Variants in UBR4 observed in about 807,000 individuals in gnomAD.
UBR4 encodes ubiquitin protein ligase E3 component n-recognin 4.
In UBR4, 124 loss-of-function variants were observed where a neutral mutation model predicts 575.6. The observed-to-expected ratio is 0.22, with a 90% CI of 0.19 to 0.25. The LOEUF is 0.25. Among genes scored for constraint, UBR4 ranks in the 10% least tolerant of loss-of-function variants. The probability of loss-of-function intolerance (pLI) is 1.00; values close to 1 mark genes in which losing one functional copy is unlikely to be tolerated. For missense variants in UBR4, 4,818 were observed against 6,478.8 expected, an observed-to-expected ratio of 0.74 and a Z score of 8.80; for synonymous variants, 2,455 against 2,473.7, an observed-to-expected ratio of 0.99 and a Z score of 0.22.
intron 60 of UBR4, among the ~76,000 whole-genome samples, chr1:19,132,175 TG>T (rs1385569244): frequency 2.6e-5 from 4 of 151,948 alleles, no homozygotes; most frequent in African/African-American, 9.7e-5. Flanking sequence ...GCTTCAAATA[TG>T]GTTTTTTGTT....
intron 41 of UBR4, among the ~76,000 whole-genome samples, 156 bp downstream of exon 41, chr1:19,156,611 T>C (rs1246335568): frequency 1.3e-5 from 2 of 152,180 alleles, no homozygotes; most frequent in Non-Finnish European, 2.9e-5. Context: ...ATCTGAAAGA[T>C]CTGGGAGAAA....
chr1:19,078,436 C>G (rs2076172801), intron 103 of UBR4: 1 of 176,340 alleles, frequency 5.7e-6, no homozygotes, highest in Non-Finnish European at 1.2e-5. Flanking sequence ...CCGACAAGCT[C>G]TTGGAATTTG....
Position 19,100,400 on chromosome 1 carries a change from G to A in UBR4, c.13197C>T (p.Leu4399=). Residue 4399 remains leucine (L), a synonymous_variant, in exon 89 of 106, where the codon CTC becomes CTT. Transcript: ENST00000375254. The surrounding 1 kb of genome is among the most constrained non-coding windows in gnomAD (Gnocchi z 4.2). Reference sequence around the variant, plus strand: ...CCTCCATGCCACTGTCATCTTCCAGGAGGGCCACTAAGTCACAGTCCTGGC... The same window carrying A: ...CCTCCATGCCACTGTCATCTTCCAGAAGGGCCACTAAGTCACAGTCCTGGC... ...KICQDCDLVA[L]LEDDSGMELL... 6.2e-7 allele frequency: 1 copy of A among 1,614,152 alleles called. No individual in the cohort carries two copies. Among genetic ancestry groups the A allele is most frequent in the Non-Finnish European group, 8.5e-7 (1 of 1,180,016 alleles).
intron 8 of UBR4, among the ~76,000 whole-genome samples, chr1:19,195,995 CACACACACACACACACACACACAA>C (rs2092429323): frequency 6.6e-6 from 1 of 151,232 alleles, no homozygotes; most frequent in African/African-American, 2.4e-5. Flanking sequence ...CACACACACA[CACACACACACACACACACACACAA>C]ACTTACGTAG....
At position 19,115,203 on chromosome 1, in the gene UBR4, A is replaced by G. The variant is rs930355659; in HGVS notation, c.11063+195T>C. Among the ~76,000 whole-genome samples, 657 of 138,056 alleles carry G rather than the reference A, an allele frequency of 4.8e-3. 1 individual carries two copies. Among genetic ancestry groups the G allele is most frequent in the South Asian group, 0.016 (63 of 3,846 alleles). The allele number at this position is 138,056 out of a possible 152,430, so 90.6% of individuals were successfully genotyped here. ...CAGACACACTCGTGTGCACATGCAC[A>G]CACACACACACACACACACTCACTC... On this transcript the variant is annotated intron_variant, in intron 74 of 105. Transcript: ENST00000375254.
Position 19,162,147 on chromosome 1 carries a change from C to T in UBR4, c.4957-250G>A, listed in dbSNP as rs191018061. Among the ~76,000 whole-genome samples, 219 of 152,290 alleles carry T rather than the reference C, an allele frequency of 1.4e-3. 2 individuals are homozygous for T. Among genetic ancestry groups the T allele is most frequent in the Admixed American group, 3.4e-3 (52 of 15,294 alleles). ...CTCTATAGGGGAGCTTCCACTACCCCCCATGAAGAACTTATCCCTAAAATT... is the reference window on the plus strand; with the variant it reads ...CTCTATAGGGGAGCTTCCACTACCCTCCATGAAGAACTTATCCCTAAAATT... On this transcript the variant is annotated intron_variant, in intron 35 of 105. Transcript: ENST00000375254.
chr1:19,095,081 T>C, intron 93 of UBR4, 56 bp from the exon 94 acceptor site: 1 of 1,612,752 alleles, frequency 6.2e-7, no homozygotes, highest in Non-Finnish European at 8.5e-7. Flanking sequence ...CACTAACTGC[T>C]GAGGACAATT....
intron 42 of UBR4, 63 bp downstream of exon 42, chr1:19,156,208 G>C: frequency 6.3e-7 from 1 of 1,587,734 alleles, no homozygotes; most frequent in Non-Finnish European, 8.6e-7. Context: ...CTAGCACATA[G>C]TGATTCTGGA....
intron 91 of UBR4, 80 bp downstream of exon 91, chr1:19,097,113 T>G (rs374170532): frequency 8.3e-7 from 1 of 1,199,924 alleles, no homozygotes. Context: ...GAGAAGCAAC[T>G]GAGAATGCCC....
At chr1:19,165,603 C>T (rs1038229749) in intron 30 of UBR4, 53 bp downstream of exon 30, 46 of 1,560,826 alleles carry the variant, frequency 2.9e-5, no homozygotes, top group Non-Finnish European at 3.8e-5. Context: ...TAGCTCCTTG[C>T]TTTCAAGAGG....
rs946312418 is a variant in UBR4, at chr1:19,161,850, C to G, written c.5004G>C (p.Gln1668His). ...CNKLCTFTIT[Q>H]KEFMNQHWYH... ...ACCAATGCTGGTTCATGAATTCTTT[C>G]TGTGTGATCGTAAAAGTGCAGAGTT... is the stretch of plus-strand genomic sequence containing the variant. Residue 1668 changes from glutamine to histidine, a missense_variant, in exon 36 of 106, where the codon CAG becomes CAC. Transcript: ENST00000375254. The G allele has an allele frequency of 1.2e-6, 2 of 1,614,140 alleles. No individual in the cohort carries two copies. Among genetic ancestry groups the G allele is most frequent in the African/African-American group, 2.7e-5 (2 of 74,958 alleles).
chr1:19,116,937 T>C (rs1329622347), intron 73 of UBR4, among the ~76,000 whole-genome samples: 3 of 152,330 alleles, frequency 2.0e-5, no homozygotes, highest in Middle Eastern at 3.4e-3. Context: ...AAAATGGGCA[T>C]GAGAAGCCTG....
chr1:19,131,269 A>AAAAAAAAAAAAAAAAAAAG lies in UBR4; in HGVS notation c.8907-2196_8907-2195insCTTTTTTTTTTTTTTTTTT, dbSNP rs1403804726. Among the ~76,000 whole-genome samples, 4 of 127,646 alleles carry AAAAAAAAAAAAAAAAAAAG rather than the reference A, an allele frequency of 3.1e-5. 1 individual carries two copies. Among genetic ancestry groups the AAAAAAAAAAAAAAAAAAAG allele is most frequent in the African/African-American group, 6.0e-5 (2 of 33,522 alleles). The allele number at this position is 127,646 out of a possible 152,430, so 83.7% of individuals were successfully genotyped here. On this transcript the variant is annotated intron_variant, in intron 60 of 105. Coordinates refer to ENST00000375254, the MANE Select transcript of UBR4 (RefSeq NM_020765.3). ...AAAAAAAAAAAAAAAAAAAAAAAAA[A>AAAAAAAAAAAAAAAAAAAG]TAAACACAGCACCAAAAACTGCAGT...
At chr1:19,198,129 G>T in intron 5 of UBR4, 80 bp from the exon 6 acceptor site, 2 of 1,363,318 alleles carry the variant, frequency 1.5e-6, no homozygotes, top group Non-Finnish European at 2.1e-6. Context: ...GTAGCTGCAC[G>T]GATACTCTCC....
chr1:19,086,405 C>A (rs1009006051), intron 100 of UBR4, 135 bp from the exon 101 acceptor site: 10 of 1,286,362 alleles, frequency 7.8e-6, no homozygotes, highest in African/African-American at 1.5e-5. Context: ...CCTGACCCTG[C>A]GAAGAGAATT....
rs79388339 is a variant in UBR4 at position 19,101,983 on chromosome 1, T to A, written c.12902-342A>T. On this transcript the variant is annotated intron_variant, in intron 87 of 105. Transcript: ENST00000375254. ...GCCCAAAACAGGCACTCAGAAAATG[T>A]CAAATAATCCTGTGTTCCAGTCAAA... 3.5e-3 allele frequency among the ~76,000 whole-genome samples: 539 copies of A among 152,324 alleles called. 1 individual carries two copies. The highest frequency in any genetic ancestry group is 0.011 in the African/African-American group (460 of 41,572).
In UBR4 at chr1:19,153,715, A is replaced by G; in HGVS notation, c.6630+53T>C. On this transcript the variant is annotated intron_variant, in intron 45 of 105. Coordinates refer to ENST00000375254, the MANE Select transcript of UBR4 (RefSeq NM_020765.3). This position sits in a 1 kb window ranked among gnomAD's most constrained non-coding sequence, Gnocchi z 4.1. ...GAAAGTGAAATGAATATACAAACAT[A>G]AAAAGAGACCAGGTTCACAGCAAAG... 1.3e-6 allele frequency: 2 copies of G among 1,573,530 alleles called. No homozygotes were observed. Among genetic ancestry groups the G allele is most frequent in the Non-Finnish European group, 1.7e-6 (2 of 1,162,160 alleles).
At chr1:19,114,107 T>C in intron 75 of UBR4, 37 bp from the exon 76 acceptor site, 1 of 1,595,846 alleles carries the variant, frequency 6.3e-7, no homozygotes, top group Non-Finnish European at 8.6e-7. Context: ...TGAAGGCTTT[T>C]TGGCTGATGA....
chr1:19,176,596 T>C lies in UBR4; in HGVS notation c.2769A>G (p.Ser923=), dbSNP rs140257485. Residue 923 remains serine, a synonymous_variant, in exon 20 of 106, where the codon TCA becomes TCG. Transcript: ENST00000375254. ...ATTAACAGTCTTCTTTCTGACCTGA[T>C]GAGAAATGCTTAGACCAGTTTTCTT... The part of the protein sequence containing the change: ...EVEENWSKHF[S]SDAVPHPRFY... The C allele has an allele frequency of 5.5e-5, 89 of 1,613,292 alleles. No homozygotes were observed. Among genetic ancestry groups the C allele is most frequent in the African/African-American group, 8.0e-5 (6 of 74,906 alleles).
Sources: allele counts gnomAD v4.1 joint callset (sites outside exome capture counted in the v4.1 genomes callset), GRCh38; gene constraint gnomAD v4.1.1; non-coding constraint Gnocchi (gnomAD v3.1); transcripts MANE v1.5; gene names NCBI Gene and HGNC (gene_info 2026-07-23, HGNC 2026-07-21).